ROBO2: variants seen among roughly 807,000 people sequenced by gnomAD.
ROBO2 encodes the protein roundabout guidance receptor 2, also known as roundabout homolog 2.
A neutral mutation model predicts 160.8 loss-of-function variants in ROBO2; 53 were observed. The observed-to-expected ratio is 0.33, with a 90% confidence interval of 0.26 to 0.41. The LOEUF (loss-of-function observed/expected upper bound fraction) is 0.41, where lower values mean the gene tolerates loss of function less well. Ranked by LOEUF, ROBO2 falls within the 10% of genes least tolerant of loss-of-function variation. ROBO2 has a pLI of 1.00. For missense variants in ROBO2, 1,577 were observed against 1,722.4 expected, an observed-to-expected ratio of 0.92 and a Z score of 1.49; for synonymous variants, 664 against 611.7, an observed-to-expected ratio of 1.09 and a Z score of -1.26.
chr3:77,100,944 A>G (rs1356713971), intron 2 of ROBO2, among the ~76,000 whole-genome samples: 2 of 152,216 alleles, frequency 1.3e-5, no homozygotes, highest in African/African-American at 4.8e-5. Flanking sequence ...CCAGGTAGAA[A>G]GAATGGAAGC....
chr3:76,174,137 G>T (rs1270266563), intron 2 of ROBO2, among the ~76,000 whole-genome samples: 2 of 152,106 alleles, frequency 1.3e-5, no homozygotes, highest in Non-Finnish European at 2.9e-5. Context: ...TTTTTCATAT[G>T]GTTGTTGGTC....
chr3:75,931,790 T>C (rs188468125), intron 1 of ROBO2, among the ~76,000 whole-genome samples: 2 of 152,226 alleles, frequency 1.3e-5, no homozygotes, highest in Admixed American at 1.3e-4. Flanking sequence ...TGAATACATT[T>C]TGTAATAATC....
chr3:76,586,079 G>A (rs1454544047), intron 2 of ROBO2, among the ~76,000 whole-genome samples: 1 of 152,130 alleles, frequency 6.6e-6, no homozygotes, highest in Admixed American at 6.6e-5. Context: ...GGATCATAGT[G>A]CTGCTTTAAA....
chr3:75,959,727 A>G (rs1948844569), intron 2 of ROBO2, among the ~76,000 whole-genome samples: 2 of 151,792 alleles, frequency 1.3e-5, no homozygotes, highest in Admixed American at 1.3e-4. Context: ...TGTCCCATCA[A>G]TAGAAAAAAA....
At chr3:76,110,350 G>A (rs1257720298) in intron 2 of ROBO2, among the ~76,000 whole-genome samples, 2 of 152,036 alleles carry the variant, frequency 1.3e-5, no homozygotes, top group Non-Finnish European at 2.9e-5. Context: ...TAACATGACA[G>A]CTATTAGCAA....
intron 9 of ROBO2, among the ~76,000 whole-genome samples, chr3:77,559,782 A>G (rs374592935): frequency 7.2e-5 from 11 of 152,000 alleles, no homozygotes; most frequent in African/African-American, 2.7e-4. Flanking sequence ...ACATGCACAC[A>G]TAAGTTTTTA....
At chr3:76,516,371 C>G (rs922732403) in intron 2 of ROBO2, among the ~76,000 whole-genome samples, 2 of 152,112 alleles carry the variant, frequency 1.3e-5, no homozygotes, top group African/African-American at 4.8e-5. Flanking sequence ...TTATGACTTC[C>G]CCACAGCTTT....
chr3:77,107,390 C>A (rs2072952654), intron 2 of ROBO2, among the ~76,000 whole-genome samples: 1 of 152,134 alleles, frequency 6.6e-6, no homozygotes, highest in African/African-American at 2.4e-5. Flanking sequence ...AATTAACACC[C>A]AAGTAGAGAA....
At chr3:75,922,662 A>T (rs926270990) in intron 1 of ROBO2, among the ~76,000 whole-genome samples, 9 of 152,248 alleles carry the variant, frequency 5.9e-5, no homozygotes, top group African/African-American at 2.2e-4. Flanking sequence ...AGCATTATTG[A>T]TACGGAGTTA....
At chr3:77,294,544 T>C (rs1219769325) in intron 2 of ROBO2, among the ~76,000 whole-genome samples, 1 of 142,370 alleles carries the variant, frequency 7.0e-6, no homozygotes. Flanking sequence ...TGAGGCTAGA[T>C]CCCTAAAGAC....
At chr3:76,590,684 A>G (rs539104497) in intron 2 of ROBO2, among the ~76,000 whole-genome samples, 1 of 152,298 alleles carries the variant, frequency 6.6e-6, no homozygotes, top group South Asian at 2.1e-4. Context: ...ATCTAAGGAA[A>G]AAAGCCTATA....
intron 2 of ROBO2, among the ~76,000 whole-genome samples, chr3:76,261,998 T>C (rs913617493): frequency 6.6e-6 from 1 of 152,140 alleles, no homozygotes; most frequent in Admixed American, 6.6e-5. Context: ...ATTATTTTTA[T>C]TTAATTGTCT....
intron 2 of ROBO2, among the ~76,000 whole-genome samples, chr3:76,119,637 AAAAT>A (rs1428134589): frequency 2.6e-5 from 4 of 151,934 alleles, no homozygotes; most frequent in Admixed American, 6.6e-5. Flanking sequence ...ATATATAATA[AAAAT>A]AAATAAATAA....
chr3:76,396,500 G>A (rs778895045), intron 2 of ROBO2, among the ~76,000 whole-genome samples: 21 of 152,078 alleles, frequency 1.4e-4, no homozygotes, highest in Non-Finnish European at 1.0e-4. Flanking sequence ...AGGAAATAAA[G>A]GGTATTCAAT....
At chr3:77,436,481 G>A (rs2079302951) in intron 2 of ROBO2, among the ~76,000 whole-genome samples, 1 of 151,120 alleles carries the variant, frequency 6.6e-6, no homozygotes, top group African/African-American at 2.4e-5. Context: ...TATTTTCTTG[G>A]GCTTGTTACA....
intron 2 of ROBO2, among the ~76,000 whole-genome samples, chr3:76,332,855 G>T (rs1490004251): frequency 6.6e-6 from 1 of 152,132 alleles, no homozygotes; most frequent in Non-Finnish European, 1.5e-5. Context: ...ATAGAATAAA[G>T]TTATGAGCCA....
chr3:76,943,147 T>G (rs1192542144), intron 2 of ROBO2, among the ~76,000 whole-genome samples: 1 of 152,184 alleles, frequency 6.6e-6, no homozygotes, highest in African/African-American at 2.4e-5. Context: ...CAAATTAACT[T>G]TTCCATTTCT....
chr3:76,861,414 T>G (rs946774784), intron 2 of ROBO2, among the ~76,000 whole-genome samples: 17 of 152,256 alleles, frequency 1.1e-4, no homozygotes, highest in African/African-American at 4.1e-4. Context: ...CTTAGTAAAT[T>G]ATTCTAATGC....
intron 16 of ROBO2, among the ~76,000 whole-genome samples, chr3:77,581,839 G>A (rs990471749): frequency 3.3e-5 from 5 of 152,058 alleles, no homozygotes; most frequent in Non-Finnish European, 7.4e-5. Context: ...ACTAAAAACA[G>A]TCTGGAAATC....
Sources: gnomAD v4.1 joint callset for allele counts (sites outside exome capture counted in the v4.1 genomes callset) on GRCh38, gnomAD v4.1.1 for gene constraint, MANE v1.5 for transcripts, NCBI Gene and HGNC (gene_info 2026-07-23, HGNC 2026-07-21) for gene names.